CD1B: variants seen among roughly 807,000 people sequenced by gnomAD.
CD1B encodes the protein CD1b molecule, also known as T-cell surface glycoprotein CD1b.
In CD1B, 43 loss-of-function variants were observed where a neutral mutation model predicts 39.8. The observed-to-expected ratio is 1.08, with a 90% confidence interval of 0.85 to 1.39. The LOEUF is 1.39. Ranked by LOEUF, CD1B falls within the 40% of genes most tolerant of loss-of-function variation. The probability of loss-of-function intolerance (pLI) is 0.00; values close to 1 mark genes in which losing one functional copy is unlikely to be tolerated. For missense variants in CD1B, 495 were observed against 403.8 expected, an observed-to-expected ratio of 1.23 and a Z score of -1.94; for synonymous variants, 192 against 152.5, an observed-to-expected ratio of 1.26 and a Z score of -1.91.
chr1:158,300,385 G>A, the CD1B span, among the ~76,000 whole-genome samples: 1 of 152,146 alleles, frequency 6.6e-6, no homozygotes, highest in Non-Finnish European at 1.5e-5. Context: ...TTGCTGAGGA[G>A]TGCTTTACTT....
the CD1B span, among the ~76,000 whole-genome samples, chr1:158,301,351 G>A: frequency 6.6e-6 from 1 of 152,058 alleles, no homozygotes; most frequent in African/African-American, 2.4e-5. Context: ...TGGTTATTTT[G>A]CTCATTAGTT....
chr1:158,324,537 G>A (rs769440173), downstream of CD1B, among the ~76,000 whole-genome samples: 42 of 152,262 alleles, frequency 2.8e-4, no homozygotes, highest in Non-Finnish European at 5.3e-4. Flanking sequence ...AAGATTTTCC[G>A]TGTGGGAGAA....
At chr1:158,295,543 A>G in the CD1B span, among the ~76,000 whole-genome samples, 1 of 152,162 alleles carries the variant, frequency 6.6e-6, no homozygotes, top group Non-Finnish European at 1.5e-5. Flanking sequence ...GAGAACAGCT[A>G]CAGTGGAGCA....
At chr1:158,303,902 A>G in the CD1B span, among the ~76,000 whole-genome samples, 1 of 152,206 alleles carries the variant, frequency 6.6e-6, no homozygotes, top group Non-Finnish European at 1.5e-5. Context: ...ACATTTTTTC[A>G]TAGAATTTGA....
the CD1B span, among the ~76,000 whole-genome samples, chr1:158,306,336 C>T: frequency 2.0e-5 from 3 of 151,914 alleles, no homozygotes; most frequent in African/African-American, 4.8e-5. Flanking sequence ...ACAAAGAAAG[C>T]CATTACATAA....
chr1:158,314,762 C>A, the CD1B span, among the ~76,000 whole-genome samples: 4 of 151,536 alleles, frequency 2.6e-5, no homozygotes, highest in African/African-American at 7.3e-5. Flanking sequence ...CCCACTAACT[C>A]GTCATCTAGC....
At chr1:158,293,502 G>A in the CD1B span, 7 of 1,614,020 alleles carry the variant, frequency 4.3e-6, no homozygotes, top group South Asian at 1.1e-5. Flanking sequence ...CTCCCCCATT[G>A]TGTTAAGAAC....
the CD1B span, among the ~76,000 whole-genome samples, chr1:158,321,238 C>T: frequency 6.6e-6 from 1 of 151,934 alleles, no homozygotes; most frequent in African/African-American, 2.4e-5. Context: ...CTGTATTTAC[C>T]CCTGTATCAG....
chr1:158,302,040 G>A, the CD1B span, among the ~76,000 whole-genome samples: 6 of 151,806 alleles, frequency 4.0e-5, no homozygotes, highest in African/African-American at 1.2e-4. Flanking sequence ...GCCATCTTGG[G>A]GGAAGTCGCA....
the CD1B span, among the ~76,000 whole-genome samples, chr1:158,302,508 A>G: frequency 6.6e-6 from 1 of 152,050 alleles, no homozygotes; most frequent in Non-Finnish European, 1.5e-5. Context: ...GGTAATTTGA[A>G]GGAATAAATA....
the CD1B span, among the ~76,000 whole-genome samples, chr1:158,318,492 C>CT: frequency 1.3e-5 from 2 of 152,010 alleles, no homozygotes; most frequent in Non-Finnish European, 1.5e-5. Context: ...CAATCCCTGC[C>CT]TTTTTTTGTT....
the CD1B span, among the ~76,000 whole-genome samples, chr1:158,303,386 A>C: frequency 1.3e-5 from 2 of 152,260 alleles, no homozygotes; most frequent in African/African-American, 2.4e-5. Flanking sequence ...AATGATGTCC[A>C]CTCTTACCAC....
At chr1:158,293,390 C>A in the CD1B span, 27 of 1,594,682 alleles carry the variant, frequency 1.7e-5, no homozygotes, top group South Asian at 1.9e-4. Flanking sequence ...ATTGACTACT[C>A]CACCTTATCC....
chr1:158,329,637 C>T lies in CD1B; in HGVS notation c.619G>A (p.Ala207Thr), dbSNP rs1283586327. 2 of 1,613,678 alleles carry T rather than the reference C, an allele frequency of 1.2e-6. No individual in the cohort carries two copies. The highest frequency in any genetic ancestry group is 1.7e-6 in the Non-Finnish European group (2 of 1,179,806). Reference sequence around the variant, plus strand: ...GGACTGGGGCCACTGGACAGCCAGGCCTCAGGCTTCACTAAGGCAGGAAGG... The same window carrying T: ...GGACTGGGGCCACTGGACAGCCAGGTCTCAGGCTTCACTAAGGCAGGAAGG... The part of the protein sequence containing the change: ...ADLQRQVKPE[A>T]WLSSGPSPGP... The change falls in exon 4 of 6, where the codon GCC becomes ACC. Residue 207 changes from alanine to threonine, a missense_variant. Ala to Thr is a moderately conservative substitution (Grantham distance 58). Transcript: ENST00000368168.
chr1:158,321,132 C>A, the CD1B span, among the ~76,000 whole-genome samples: 1 of 152,134 alleles, frequency 6.6e-6, no homozygotes, highest in Non-Finnish European at 1.5e-5. Flanking sequence ...TTGTATTGTA[C>A]GCTATATCTC....
At chr1:158,291,787 A>G in the CD1B span, among the ~76,000 whole-genome samples, 1 of 150,912 alleles carries the variant, frequency 6.6e-6, no homozygotes, top group South Asian at 2.1e-4. Context: ...CTATCCTCCT[A>G]CCTCCCTCAC....
chr1:158,315,401 T>A, the CD1B span, among the ~76,000 whole-genome samples: 2 of 151,954 alleles, frequency 1.3e-5, no homozygotes, highest in Non-Finnish European at 2.9e-5. Flanking sequence ...ATTTCTCTGA[T>A]GGCCAGTGAT....
chr1:158,291,284 G>T, the CD1B span: 24 of 1,614,064 alleles, frequency 1.5e-5, no homozygotes, highest in African/African-American at 1.5e-4. Context: ...CTGCATAACT[G>T]GTCCAAGGGC....
At chr1:158,312,359 T>G in the CD1B span, among the ~76,000 whole-genome samples, 1 of 152,158 alleles carries the variant, frequency 6.6e-6, no homozygotes, top group East Asian at 1.9e-4. Flanking sequence ...GTGAAAGAAG[T>G]GCCTTTTACC....
Sources: allele counts gnomAD v4.1 joint callset (sites outside exome capture counted in the v4.1 genomes callset), GRCh38; gene constraint gnomAD v4.1.1; transcripts MANE v1.5; gene names NCBI Gene and HGNC (gene_info 2026-07-23, HGNC 2026-07-21).